The following TLL2 variants were observed in gnomAD, a reference collection of about 807,000 sequenced individuals.
TLL2 encodes the protein tolloid-like protein 2.
Under a neutral mutation model 123.0 loss-of-function variants are expected in TLL2, and 106 were observed. The observed-to-expected ratio is 0.86, with a 90% confidence interval of 0.74 to 1.01. The LOEUF is 1.01. TLL2 is among the 50% of genes least tolerant of loss of function. The pLI is 0.00. For missense variants in TLL2, 1,332 were observed against 1,336.7 expected, an observed-to-expected ratio of 1.00 and a Z score of 0.06; for synonymous variants, 494 against 516.8, an observed-to-expected ratio of 0.96 and a Z score of 0.60.
At chr10:96,452,642 A>G (rs559608361) in intron 2 of TLL2, among the ~76,000 whole-genome samples, 1 of 152,202 alleles carries the variant, frequency 6.6e-6, no homozygotes, top group Non-Finnish European at 1.5e-5. Flanking sequence ...TCAATGATTG[A>G]ATGTGCATTT....
chr10:96,396,586 T>TTTC (rs1564898197), intron 11 of TLL2, among the ~76,000 whole-genome samples: 1 of 149,354 alleles, frequency 6.7e-6, no homozygotes, highest in African/African-American at 2.5e-5. Context: ...CCTTTCTTTT[T>TTTC]TTTTTTTTTT....
At chr10:96,456,764 A>T (rs1847020508) in intron 2 of TLL2, among the ~76,000 whole-genome samples, 1 of 152,234 alleles carries the variant, frequency 6.6e-6, no homozygotes, top group Non-Finnish European at 1.5e-5. Context: ...ACAATGTGCC[A>T]GGGTATGTGG....
chr10:96,478,529 T>G (rs1031827862), intron 2 of TLL2, among the ~76,000 whole-genome samples: 6 of 152,182 alleles, frequency 3.9e-5, no homozygotes, highest in African/African-American at 1.4e-4. Context: ...AAACACTACG[T>G]CCAAGAATGA....
chr10:96,475,032 A>T (rs2134100946), intron 2 of TLL2, among the ~76,000 whole-genome samples: 1 of 152,262 alleles, frequency 6.6e-6, no homozygotes, highest in Admixed American at 6.5e-5. Context: ...TCATCTCAAG[A>T]TCCTTAACTA....
At chr10:96,369,754 A>G (rs112406180) in intron 20 of TLL2, among the ~76,000 whole-genome samples, 1 of 151,306 alleles carries the variant, frequency 6.6e-6, no homozygotes, top group Non-Finnish European at 1.5e-5. Flanking sequence ...CTCGGGGGAA[A>G]AAAAAGAAAA....
intron 20 of TLL2, among the ~76,000 whole-genome samples, chr10:96,368,852 T>C (rs900790282): frequency 1.3e-5 from 2 of 152,232 alleles, no homozygotes; most frequent in Non-Finnish European, 2.9e-5. Context: ...CAAAGTGGGC[T>C]TCCCCCACAG....
intron 4 of TLL2, among the ~76,000 whole-genome samples, chr10:96,431,144 CAGTT>C (rs1243301761): frequency 1.3e-5 from 2 of 152,158 alleles, no homozygotes; most frequent in Non-Finnish European, 2.9e-5. Context: ...TGAAAGAACA[CAGTT>C]AGGATACCAA....
intron 3 of TLL2, among the ~76,000 whole-genome samples, chr10:96,440,093 T>C (rs1351404840): frequency 5.3e-5 from 8 of 152,166 alleles, no homozygotes; most frequent in Non-Finnish European, 1.2e-4. Flanking sequence ...CTTCACATTG[T>C]CCTATTCAGC....
At chr10:96,387,858 GA>G (rs1846252565) in intron 13 of TLL2, among the ~76,000 whole-genome samples, 1 of 152,138 alleles carries the variant, frequency 6.6e-6, no homozygotes, top group Non-Finnish European at 1.5e-5. Context: ...CTGAAAAAAA[GA>G]AAAACCAAAA....
intron 2 of TLL2, among the ~76,000 whole-genome samples, chr10:96,479,078 C>T (rs1847286066): frequency 6.6e-6 from 1 of 152,108 alleles, no homozygotes; most frequent in Non-Finnish European, 1.5e-5. Flanking sequence ...AAAGATGCTT[C>T]CTTTAGTAAG....
chr10:96,491,210 A>T (rs980849060), intron 1 of TLL2, among the ~76,000 whole-genome samples: 4 of 151,986 alleles, frequency 2.6e-5, no homozygotes, highest in African/African-American at 9.7e-5. Context: ...GTGAAACCCC[A>T]TCTCTACTAA....
intron 1 of TLL2, among the ~76,000 whole-genome samples, chr10:96,506,266 GAA>G (rs386372173): frequency 3.2e-5 from 3 of 92,712 alleles, no homozygotes; most frequent in African/African-American, 4.2e-5. Flanking sequence ...AAAAAAAAAA[GAA>G]AAAAAAAAAA....
chr10:96,434,734 C>G (rs1846776533), intron 3 of TLL2, among the ~76,000 whole-genome samples: 1 of 152,160 alleles, frequency 6.6e-6, no homozygotes, highest in Non-Finnish European at 1.5e-5. Flanking sequence ...TATGGTAACT[C>G]TATGTTGAAC....
At chr10:96,465,044 GC>G (rs908435321) in intron 2 of TLL2, among the ~76,000 whole-genome samples, 2 of 152,194 alleles carry the variant, frequency 1.3e-5, no homozygotes. Context: ...AGAAAGAGTA[GC>G]AAGGAACTCA....
rs1364541908 is a variant in TLL2, at chr10:96,386,222, G to A, written c.1853-7C>T. On this transcript the variant is annotated splice_polypyrimidine_tract_variant and splice_region_variant and intron_variant, in intron 14 of 20. Coordinates refer to ENST00000357947, the MANE Select transcript of TLL2 (RefSeq NM_012465.4). Reference sequence around the variant, plus strand: ...ATGAAACCGCCACAGGCCACTGCACGGGGGAAACAGAAACAGGATTCATTT... The same window carrying A: ...ATGAAACCGCCACAGGCCACTGCACAGGGGAAACAGAAACAGGATTCATTT... 1.3e-5 allele frequency: 21 copies of A among 1,557,924 alleles called. No homozygotes were observed. The highest frequency in any genetic ancestry group is 2.7e-5 in the African/African-American group (2 of 72,888).
intron 1 of TLL2, among the ~76,000 whole-genome samples, chr10:96,486,364 C>T (rs968922116): frequency 1.3e-5 from 2 of 152,134 alleles, no homozygotes; most frequent in African/African-American, 4.8e-5. Context: ...TCTAGTTATA[C>T]TTAAGAGAAT....
chr10:96,390,629 G>A (rs1846278018), intron 13 of TLL2, among the ~76,000 whole-genome samples: 1 of 152,254 alleles, frequency 6.6e-6, no homozygotes, highest in Non-Finnish European at 1.5e-5. Context: ...CAGCTCTTCT[G>A]CTGGGCCTTT....
rs1330539301 is a variant in TLL2 at position 96,432,812 on chromosome 10, A to G, written c.515T>C (p.Phe172Ser). The part of the protein sequence containing the change: ...GVIPYVIGGN[F>S]TGSQRAIFKQ... ...CCTTGTCTGTGGCTACTGACCAGTG[A>G]AGTTCCCTCCAATGACGTAGGGGAT... Residue 172 changes from phenylalanine (F) to serine (S), a missense_variant, in exon 4 of 21, where the codon TTC becomes TCC. Physicochemically the swap from Phe to Ser is radical, Grantham distance 155. Transcript: ENST00000357947. 6.2e-7 allele frequency: 1 copy of G among 1,613,800 alleles called. No homozygotes were observed. The highest frequency in any genetic ancestry group is 8.5e-7 in the Non-Finnish European group (1 of 1,179,882).
intron 1 of TLL2, among the ~76,000 whole-genome samples, chr10:96,502,912 G>C (rs949583025): frequency 6.6e-6 from 1 of 152,138 alleles, no homozygotes; most frequent in Non-Finnish European, 1.5e-5. Flanking sequence ...GTGCTCATGC[G>C]GGCGAGCTTG....
Sources: allele counts gnomAD v4.1 joint callset (sites outside exome capture counted in the v4.1 genomes callset), GRCh38; gene constraint gnomAD v4.1.1; transcripts MANE v1.5; gene names NCBI Gene and HGNC (gene_info 2026-07-23, HGNC 2026-07-21).